SFXN4: variants seen among roughly 807,000 people sequenced by gnomAD.
SFXN4 encodes the protein sideroflexin-4.
In SFXN4, 48 loss-of-function variants were observed where a neutral mutation model predicts 54.6. The ratio of observed to expected loss-of-function variants is 0.88; its 90% CI spans 0.70 to 1.12. SFXN4 has a LOEUF of 1.12. Among genes scored for constraint, SFXN4 ranks in the 50% most tolerant of loss-of-function variants. The pLI is 0.00. For synonymous variants in SFXN4, 130 were observed against 145.5 expected (o/e 0.89, Z 0.77); for missense variants, 383 against 409.2 (o/e 0.94, Z 0.55).
chr10:119,161,881 G>T (rs1372586104), intron 3 of SFXN4, among the ~76,000 whole-genome samples: 1 of 152,196 alleles, frequency 6.6e-6, no homozygotes, highest in Admixed American at 6.5e-5. Flanking sequence ...AGGCTGTCTT[G>T]AGGAGCTGGT....
intron 11 of SFXN4, among the ~76,000 whole-genome samples, chr10:119,151,511 T>C (rs759097180): frequency 1.2e-4 from 18 of 151,648 alleles, no homozygotes; most frequent in Non-Finnish European, 4.4e-5. Context: ...AACTGTTTCA[T>C]TTATTTATTA....
chr10:119,162,352 C>T lies in SFXN4; in HGVS notation c.240G>A (p.Ser80=), dbSNP rs144317184. ...CTNEDVSSPA[S]ADQRIQEAWK... ...ACGTGAAACATACCCTTTGGTCCGC[C>T]GAGGCAGGGCTGGAAACATCTTCAT... The change falls in exon 3 of 14, where the codon TCG becomes TCA. Residue 80 remains serine (S), a synonymous_variant. Coordinates refer to ENST00000355697, the MANE Select transcript of SFXN4 (RefSeq NM_213649.2). 76 of 1,614,000 alleles carry T rather than the reference C, an allele frequency of 4.7e-5. 1 individual carries two copies. In the East Asian group the frequency reaches 9.1e-4, roughly 19 times the overall value.
Position 119,146,306 on chromosome 10 carries a change from AG to A in SFXN4, c.865del (p.Leu289CysfsTer10). ...TCCCATTGCCAGGACAGTACAAGAC[AG>A]TTTCAAAATCCACAATGACCCTGGG... ...KNPGSLWILK[L>X]SCTVLAMGLM... On this transcript the variant is annotated frameshift_variant, in exon 13 of 14. Transcript: ENST00000355697. LOFTEE classifies it high-confidence loss of function. The A allele has an allele frequency of 6.2e-7, 1 of 1,613,816 alleles. No individual in the cohort carries two copies. Among genetic ancestry groups the A allele is most frequent in the Non-Finnish European group, 8.5e-7 (1 of 1,179,794 alleles).
intron 2 of SFXN4, among the ~76,000 whole-genome samples, chr10:119,163,394 TTTTC>T (rs1847635402): frequency 6.6e-6 from 1 of 151,956 alleles, no homozygotes; most frequent in Admixed American, 6.6e-5. Context: ...TACGCTTTTC[TTTTC>T]TTTTTTTGCT....
Position 119,162,397 on chromosome 10 carries a change from C to T in SFXN4, c.195G>A (p.Ser65=), listed in dbSNP as rs1206379142. 6.8e-6 allele frequency: 11 copies of T among 1,613,808 alleles called. No individual in the cohort carries two copies. Among genetic ancestry groups the T allele is most frequent in the Non-Finnish European group, 9.3e-6 (11 of 1,179,890 alleles). The change falls in exon 3 of 14, where the codon TCG becomes TCA. Residue 65 remains serine, a synonymous_variant. Coordinates refer to ENST00000355697, the MANE Select transcript of SFXN4 (RefSeq NM_213649.2). ...VFISVESIEN[S]RQLLCTNEDV... Reference sequence around the variant, plus strand: ...CTTCATTTGTGCACAATAGTTGCCTCGAGTTTTCTATACTTTCCTAAAATC... The same window carrying T: ...CTTCATTTGTGCACAATAGTTGCCTTGAGTTTTCTATACTTTCCTAAAATC...
chr10:119,162,966 T>C (rs1847618308), intron 2 of SFXN4, among the ~76,000 whole-genome samples: 1 of 152,122 alleles, frequency 6.6e-6, no homozygotes, highest in Non-Finnish European at 1.5e-5. Context: ...TGGCTAACTT[T>C]CTATTTTTAT....
At chr10:119,148,375 G>A (rs1846910202) in intron 11 of SFXN4, among the ~76,000 whole-genome samples, 1 of 152,140 alleles carries the variant, frequency 6.6e-6, no homozygotes, top group Non-Finnish European at 1.5e-5. Flanking sequence ...GGCACCGTCT[G>A]CCAAACCACC....
At chr10:119,156,526 TG>T in intron 10 of SFXN4, 151 bp downstream of exon 10, 1 of 665,434 alleles carries the variant, frequency 1.5e-6, no homozygotes, top group Non-Finnish European at 2.7e-6. Flanking sequence ...ACCAAAGACC[TG>T]ATTTGGGCTT....
intron 13 of SFXN4, among the ~76,000 whole-genome samples, chr10:119,144,798 A>G (rs1846718259): frequency 6.6e-6 from 1 of 152,200 alleles, no homozygotes; most frequent in Non-Finnish European, 1.5e-5. Context: ...AATTTAACTT[A>G]ATTTACAATT....
intron 12 of SFXN4, 75 bp from the exon 13 acceptor site, chr10:119,146,428 CGTGTGTGTGTGTGTGTGT>C (rs56031432): frequency 1.8e-5 from 10 of 559,550 alleles, no homozygotes; most frequent in Middle Eastern, 3.0e-4. Flanking sequence ...TGAATCAGGG[CGTGTGTGTGTGTGTGTGT>C]GTGTGTGTGT....
chr10:119,146,901 G>T (rs1846838932), intron 12 of SFXN4, among the ~76,000 whole-genome samples: 1 of 152,138 alleles, frequency 6.6e-6, no homozygotes, highest in Non-Finnish European at 1.5e-5. Flanking sequence ...TCCATGTGTG[G>T]TCCTAGCAGG....
At chr10:119,144,510 C>T (rs1232546548) in intron 13 of SFXN4, among the ~76,000 whole-genome samples, 1 of 151,888 alleles carries the variant, frequency 6.6e-6, no homozygotes, top group African/African-American at 2.4e-5. Context: ...TTGACATCTG[C>T]TAGCAATTTA....
intron 3 of SFXN4, 26 bp downstream of exon 3, chr10:119,162,314 G>C (rs1227856179): frequency 6.2e-7 from 1 of 1,608,000 alleles, no homozygotes; most frequent in East Asian, 2.2e-5. Context: ...AGGGCAACCA[G>C]CCAGACCTGA....
chr10:119,146,119 C>T, intron 13 of SFXN4, 117 bp downstream of exon 13: 2 of 636,770 alleles, frequency 3.1e-6, no homozygotes, highest in Admixed American at 2.6e-5. Flanking sequence ...AGCCACTGCA[C>T]CTGGTCTTAT....
At chr10:119,141,429 C>A in intron 13 of SFXN4, 110 bp from the exon 14 acceptor site, 55 of 480,910 alleles carry the variant, frequency 1.1e-4, no homozygotes, top group East Asian at 1.8e-4. Flanking sequence ...CCATCTTTTT[C>A]AATAATGTCT....
At chr10:119,145,094 TATC>T (rs35894853) in intron 13 of SFXN4, among the ~76,000 whole-genome samples, 69,217 of 151,598 alleles carry the variant, frequency 0.46, 17,847 homozygotes, top group South Asian at 0.61. Flanking sequence ...TAAATATAAA[TATC>T]ATTACAATTA....
Position 119,155,173 on chromosome 10 carries a change from T to C in SFXN4, c.621A>G (p.Gln207=), listed in dbSNP as rs1847231422. Residue 207 remains glutamine, a synonymous_variant, in exon 11 of 14, where the codon CAA becomes CAG. Coordinates refer to ENST00000355697, the MANE Select transcript of SFXN4 (RefSeq NM_213649.2). ...ACATGTAGACATTCATTCCACTGGCTTGCACTGTAGATGTAAAGAAGTAAA... is the reference window on the plus strand; with the variant it reads ...ACATGTAGACATTCATTCCACTGGCCTGCACTGTAGATGTAAAGAAGTAAA... The part of the protein sequence containing the change: ...KRLLPVIFLV[Q]ASGMNVYMSR... 1 of 1,610,632 alleles carries C rather than the reference T, an allele frequency of 6.2e-7. No homozygotes were observed. The highest frequency in any genetic ancestry group is 1.3e-5 in the African/African-American group (1 of 74,880).
chr10:119,162,820 G>A (rs983160929), intron 2 of SFXN4, among the ~76,000 whole-genome samples: 6 of 152,072 alleles, frequency 3.9e-5, no homozygotes, highest in African/African-American at 1.5e-4. Flanking sequence ...TTAAGAGACA[G>A]GGTCTCACTC....
At position 119,162,364 on chromosome 10, in the gene SFXN4, G is replaced by A. The variant is rs1847587633; in HGVS notation, c.228C>T (p.Ser76=). ...RQLLCTNEDV[S]SPASADQRIQ... ...CCCTTTGGTCCGCCGAGGCAGGGCT[G>A]GAAACATCTTCATTTGTGCACAATA... The change falls in exon 3 of 14, where the codon TCC becomes TCT. Residue 76 remains serine, a synonymous_variant. Transcript: ENST00000355697. The A allele has an allele frequency of 6.2e-7, 1 of 1,614,042 alleles. No homozygotes were observed. Among genetic ancestry groups the A allele is most frequent in the Non-Finnish European group, 8.5e-7 (1 of 1,179,966 alleles).
Sources: gnomAD v4.1 joint callset for allele counts (sites outside exome capture counted in the v4.1 genomes callset) on GRCh38, gnomAD v4.1.1 for gene constraint, MANE v1.5 for transcripts, NCBI Gene and HGNC (gene_info 2026-07-23, HGNC 2026-07-21) for gene names.